ZNF138: variants seen among roughly 807,000 people sequenced by gnomAD.
The protein encoded by ZNF138 is zinc finger protein 138 (clone pHZ-32).
In ZNF138, 33 loss-of-function variants were observed where a neutral mutation model predicts 33.0. That is an observed-to-expected ratio of 1.00 (90% CI 0.76 to 1.34). The LOEUF (loss-of-function observed/expected upper bound fraction) is 1.34. Ranked by LOEUF, ZNF138 falls within the 40% of genes most tolerant of loss-of-function variation. The probability of loss-of-function intolerance (pLI) is 0.00; values close to 1 mark genes in which losing one functional copy is unlikely to be tolerated. For synonymous variants in ZNF138, 139 were observed against 120.4 expected, an observed-to-expected ratio of 1.15 and a Z score of -1.01; for missense variants, 360 against 370.8, an observed-to-expected ratio of 0.97 and a Z score of 0.24.
rs1035429564 is a variant in ZNF138, at chr7:64,830,953, C to G, written c.209-498C>G. ...GTCTCTTTGCAGCTGTAGCATTTAC[C>G]TTTGATCTCAGTGGACTCAACATTT... On this transcript the variant is annotated intron_variant, in intron 3 of 3. Transcript: ENST00000307355. The G allele has an allele frequency of 9.7e-6, 15 of 1,551,242 alleles. No homozygotes were observed. In the African/African-American group the frequency reaches 2.1e-4, roughly 21 times the overall value.
chr7:64,802,807 G>C (rs563477247), intron 1 of ZNF138, among the ~76,000 whole-genome samples: 7 of 152,060 alleles, frequency 4.6e-5, no homozygotes, highest in African/African-American at 1.7e-4. Context: ...AGGTGTTTCT[G>C]TTAAAATGTA....
the ZNF138 span, among the ~76,000 whole-genome samples, chr7:64,839,270 G>C: frequency 6.6e-6 from 1 of 152,164 alleles, no homozygotes; most frequent in Non-Finnish European, 1.5e-5. Flanking sequence ...AATCTTGGTC[G>C]AGTTGTAAAG....
Position 64,833,200 on chromosome 7 carries a change from T to C in ZNF138, c.*998T>C. 4.2e-6 allele frequency: 1 copy of C among 238,598 alleles called. No individual in the cohort carries two copies. The highest frequency in any genetic ancestry group is 5.8e-5 in the South Asian group (1 of 17,320). 14.8% of individuals were successfully genotyped at this position (238,598 alleles called of 1,614,324 possible). On this transcript the variant is annotated 3_prime_UTR_variant, in exon 4 of 4. Coordinates refer to ENST00000307355, the MANE Select transcript of ZNF138 (RefSeq NM_001271639.2). Reference sequence around the variant, plus strand: ...AATTTGGTAAATTCTTTAACAAGTCTTCAACCCTTTCTGCACATAATATAA... The same window carrying C: ...AATTTGGTAAATTCTTTAACAAGTCCTCAACCCTTTCTGCACATAATATAA...
chr7:64,838,494 C>T (rs988051119), downstream of ZNF138, among the ~76,000 whole-genome samples: 1 of 152,102 alleles, frequency 6.6e-6, no homozygotes, highest in Non-Finnish European at 1.5e-5. Context: ...TGCTGGGGCT[C>T]TTAGGGAATG....
At chr7:64,796,290 G>T (rs1032930699) in intron 1 of ZNF138, among the ~76,000 whole-genome samples, 13 of 152,180 alleles carry the variant, frequency 8.5e-5, no homozygotes, top group Admixed American at 7.9e-4. Context: ...TCTTCAGAGA[G>T]GGTGGTCTTC....
At chr7:64,844,732 G>A in the ZNF138 span, among the ~76,000 whole-genome samples, 1 of 152,012 alleles carries the variant, frequency 6.6e-6, no homozygotes, top group South Asian at 2.1e-4. Context: ...TGTCACCCAG[G>A]CTGGAGTACA....
At chr7:64,817,920 T>G (rs1324588816) in intron 3 of ZNF138, among the ~76,000 whole-genome samples, 1 of 151,882 alleles carries the variant, frequency 6.6e-6, no homozygotes, top group African/African-American at 2.4e-5. Context: ...TTGCTGTAGG[T>G]AAAGAGGAAT....
chr7:64,818,256 G>T (rs1788839496), intron 3 of ZNF138, among the ~76,000 whole-genome samples: 1 of 151,872 alleles, frequency 6.6e-6, no homozygotes, highest in East Asian at 1.9e-4. Context: ...AATGTGCTGG[G>T]ATTACAGGTG....
chr7:64,821,158 C>T (rs1342119505), intron 3 of ZNF138, among the ~76,000 whole-genome samples: 1 of 1,174 alleles, frequency 8.5e-4, no homozygotes, highest in Non-Finnish European at 3.4e-3. Context: ...GGTGCAATCT[C>T]GGCTCGCTGC....
At chr7:64,850,202 T>C in the ZNF138 span, among the ~76,000 whole-genome samples, 1 of 152,250 alleles carries the variant, frequency 6.6e-6, no homozygotes, top group Non-Finnish European at 1.5e-5. Context: ...TCTTATTCCA[T>C]GTTCTAGACT....
the ZNF138 span, among the ~76,000 whole-genome samples, chr7:64,845,122 T>C: frequency 6.6e-6 from 1 of 152,248 alleles, no homozygotes; most frequent in South Asian, 2.1e-4. Flanking sequence ...ATCCACTGTG[T>C]CATTTTTATG....
intron 1 of ZNF138, among the ~76,000 whole-genome samples, chr7:64,804,033 A>C (rs1049734355): frequency 1.3e-5 from 2 of 152,248 alleles, no homozygotes; most frequent in Non-Finnish European, 2.9e-5. Flanking sequence ...CACTATATTA[A>C]CAAAGTCATA....
the ZNF138 span, among the ~76,000 whole-genome samples, chr7:64,844,599 TTTA>T: frequency 0.6 from 71,314 of 117,888 alleles, 17,736 homozygotes; most frequent in Admixed American, 0.68. Context: ...TTTTTAATTT[TTTA>T]TTTTTTTTTA....
chr7:64,838,008 A>G (rs1790411285), downstream of ZNF138, among the ~76,000 whole-genome samples: 1 of 152,148 alleles, frequency 6.6e-6, no homozygotes, highest in African/African-American at 2.4e-5. Context: ...AATCCTTATA[A>G]CAGAGATTGA....
intron 3 of ZNF138, among the ~76,000 whole-genome samples, chr7:64,829,995 T>C (rs1391200144): frequency 6.6e-6 from 1 of 152,214 alleles, no homozygotes; most frequent in Non-Finnish European, 1.5e-5. Context: ...GATTTGGTTA[T>C]TTTGGAAGGT....
At chr7:64,823,223 A>T (rs1027141420) in intron 3 of ZNF138, among the ~76,000 whole-genome samples, 9 of 152,102 alleles carry the variant, frequency 5.9e-5, no homozygotes, top group African/African-American at 2.2e-4. Context: ...TATGTTGAAG[A>T]GTATGTTTTA....
At chr7:64,817,952 C>T (rs1367087294) in intron 3 of ZNF138, among the ~76,000 whole-genome samples, 1 of 150,582 alleles carries the variant, frequency 6.6e-6, no homozygotes, top group Non-Finnish European at 1.5e-5. Flanking sequence ...CACTTACTTT[C>T]TTCAGCCTGT....
At chr7:64,811,557 G>C (rs1788180290) in intron 1 of ZNF138, among the ~76,000 whole-genome samples, 1 of 152,142 alleles carries the variant, frequency 6.6e-6, no homozygotes, top group South Asian at 2.1e-4. Flanking sequence ...TGTTGGCCAG[G>C]TTGGTCTTGA....
chr7:64,822,828 G>A (rs1010030097), intron 3 of ZNF138, among the ~76,000 whole-genome samples: 4 of 152,024 alleles, frequency 2.6e-5, no homozygotes, highest in African/African-American at 9.7e-5. Context: ...AGATTATGTT[G>A]AATTTGTTTA....
Sources: gnomAD v4.1 joint callset for allele counts (sites outside exome capture counted in the v4.1 genomes callset) on GRCh38, gnomAD v4.1.1 for gene constraint, MANE v1.5 for transcripts, NCBI Gene and HGNC (gene_info 2026-07-23, HGNC 2026-07-21) for gene names.